SORCS3: variants seen among roughly 807,000 people sequenced by gnomAD.
The protein encoded by SORCS3 is VPS10 domain-containing receptor SorCS3.
In SORCS3, 57 loss-of-function variants were observed where a neutral mutation model predicts 146.3. The observed-to-expected ratio is 0.39, with a 90% CI of 0.31 to 0.49. SORCS3 has a LOEUF of 0.49. Among genes scored for constraint, SORCS3 ranks in the 20% least tolerant of loss-of-function variants. The pLI, the probability that SORCS3 is intolerant of heterozygous loss-of-function variation, is 0.92. For synonymous variants in SORCS3, 653 were observed against 618.5 expected, an observed-to-expected ratio of 1.06 and a Z score of -0.83; for missense variants, 1,341 against 1,575.5, an observed-to-expected ratio of 0.85 and a Z score of 2.52.
At chr10:105,202,018 C>T (rs1374908431) in intron 16 of SORCS3, among the ~76,000 whole-genome samples, 1 of 152,118 alleles carries the variant, frequency 6.6e-6, no homozygotes, top group Non-Finnish European at 1.5e-5. Flanking sequence ...TCTGCAAGTC[C>T]TTGCAGTTTC....
intron 19 of SORCS3, 52 bp from the exon 20 acceptor site, chr10:105,223,064 G>C: frequency 6.5e-7 from 1 of 1,544,436 alleles, no homozygotes; most frequent in Non-Finnish European, 8.8e-7. Flanking sequence ...GTGTGATACA[G>C]TTTGACCACA....
intron 1 of SORCS3, among the ~76,000 whole-genome samples, chr10:104,730,009 C>T (rs1467576295): frequency 6.6e-6 from 1 of 152,140 alleles, no homozygotes; most frequent in East Asian, 1.9e-4. Context: ...ATGAGCATTG[C>T]TTAGAAAATC....
At chr10:105,155,957 G>T (rs1032531295) in intron 9 of SORCS3, among the ~76,000 whole-genome samples, 1 of 152,166 alleles carries the variant, frequency 6.6e-6, no homozygotes, top group Non-Finnish European at 1.5e-5. Context: ...CTTAAAAAAA[G>T]AAGAGAAGAC....
At chr10:104,871,372 C>A (rs537197830) in intron 2 of SORCS3, among the ~76,000 whole-genome samples, 69 of 152,304 alleles carry the variant, frequency 4.5e-4, no homozygotes, top group Non-Finnish European at 9.0e-4. Flanking sequence ...GGAGTGCAAA[C>A]CAATTTTAAG....
chr10:104,700,616 G>C (rs1337625517), intron 1 of SORCS3, among the ~76,000 whole-genome samples: 59 of 152,072 alleles, frequency 3.9e-4, no homozygotes, highest in Non-Finnish European at 2.1e-4. Flanking sequence ...AAATGGAGTC[G>C]GGAGAGCAGT....
chr10:104,768,958 A>G (rs1269423148), intron 1 of SORCS3, among the ~76,000 whole-genome samples: 1 of 152,182 alleles, frequency 6.6e-6, no homozygotes, highest in Non-Finnish European at 1.5e-5. Context: ...AAATGGCCTT[A>G]GAGAGTAGCT....
chr10:104,956,462 C>T (rs1306233346), intron 3 of SORCS3, among the ~76,000 whole-genome samples: 3 of 152,154 alleles, frequency 2.0e-5, no homozygotes, highest in Non-Finnish European at 4.4e-5. Context: ...AGTAACTGTT[C>T]GGAAACACCA....
chr10:104,852,907 A>C (rs901320725), intron 2 of SORCS3, among the ~76,000 whole-genome samples: 1 of 152,244 alleles, frequency 6.6e-6, no homozygotes, highest in Non-Finnish European at 1.5e-5. Context: ...GAGAGTGGTC[A>C]TGAGGTGCTG....
chr10:104,762,954 G>C (rs901207461), intron 1 of SORCS3, among the ~76,000 whole-genome samples: 3 of 152,182 alleles, frequency 2.0e-5, no homozygotes, highest in East Asian at 1.9e-4. Flanking sequence ...CATCCCCAGA[G>C]TTTCTGAGTC....
chr10:104,807,306 A>G (rs1399446847), intron 1 of SORCS3, among the ~76,000 whole-genome samples: 1 of 152,166 alleles, frequency 6.6e-6, no homozygotes, highest in South Asian at 2.1e-4. Flanking sequence ...AATATGGTAC[A>G]TTCTGTTTGG....
In SORCS3 at chr10:104,749,524, C is replaced by T. The variant is rs140185531; in HGVS notation, c.628-93268C>T. Among the ~76,000 whole-genome samples, 675 of 152,172 alleles carry T rather than the reference C, an allele frequency of 4.4e-3. 4 individuals are homozygous for T. The highest frequency in any genetic ancestry group is 0.014 in the Middle Eastern group (4 of 294). On this transcript the variant is annotated intron_variant, in intron 1 of 26. Coordinates refer to ENST00000369701, the MANE Select transcript of SORCS3 (RefSeq NM_014978.3). The stretch of plus-strand genomic sequence containing the variant: ...ATGTAAAATACTATCAAGTTTAGTG[C>T]GTTCTTATTGTATGTCAATAACTGT...
At chr10:105,201,365 T>A in intron 16 of SORCS3, 112 bp downstream of exon 16, 1 of 1,295,396 alleles carries the variant, frequency 7.7e-7, no homozygotes, top group Admixed American at 2.4e-5. Flanking sequence ...AGATAGGAGG[T>A]GTATCTGCTG....
intron 1 of SORCS3, among the ~76,000 whole-genome samples, chr10:104,745,523 T>C (rs1027635282): frequency 8.5e-5 from 13 of 152,214 alleles, no homozygotes; most frequent in African/African-American, 2.9e-4. Context: ...TATAAACCTA[T>C]CCAGCACCTC....
intron 1 of SORCS3, among the ~76,000 whole-genome samples, chr10:104,723,732 A>C (rs554451283): frequency 9.1e-4 from 138 of 151,960 alleles, no homozygotes; most frequent in Middle Eastern, 3.4e-3. Context: ...CCATTGTGTA[A>C]TGACCTTTGT....
chr10:104,799,686 T>C (rs2017601729), intron 1 of SORCS3, among the ~76,000 whole-genome samples: 1 of 152,042 alleles, frequency 6.6e-6, no homozygotes, highest in East Asian at 1.9e-4. Flanking sequence ...CAGAACTTTT[T>C]TTTTTTTGAG....
chr10:105,162,093 T>G (rs886815717), intron 11 of SORCS3, among the ~76,000 whole-genome samples: 2 of 152,164 alleles, frequency 1.3e-5, no homozygotes, highest in African/African-American at 4.8e-5. Context: ...CAACTCCCTC[T>G]GGCATGAGTG....
chr10:104,895,505 T>C (rs2018789276), intron 2 of SORCS3, among the ~76,000 whole-genome samples: 2 of 152,232 alleles, frequency 1.3e-5, no homozygotes, highest in Admixed American at 1.3e-4. Flanking sequence ...AACTCTCATG[T>C]ACTGTATATC....
chr10:105,042,068 T>C (rs1327685895), intron 4 of SORCS3, among the ~76,000 whole-genome samples: 1 of 152,204 alleles, frequency 6.6e-6, no homozygotes. Context: ...GTTAGAGGTG[T>C]TTATGTTCTC....
At chr10:105,163,857 T>TAC (rs547976050) in intron 11 of SORCS3, among the ~76,000 whole-genome samples, 1 of 141,128 alleles carries the variant, frequency 7.1e-6, no homozygotes, top group Non-Finnish European at 1.6e-5. Context: ...GTTTCAAACA[T>TAC]ACACACAGAC....
Sources: allele counts gnomAD v4.1 joint callset (sites outside exome capture counted in the v4.1 genomes callset), GRCh38; gene constraint gnomAD v4.1.1; transcripts MANE v1.5; gene names NCBI Gene and HGNC (gene_info 2026-07-23, HGNC 2026-07-21).